VIPAS39: variants seen among roughly 807,000 people sequenced by gnomAD.
The protein encoded by VIPAS39 is VPS33B interacting protein, apical-basolateral polarity regulator, spe-39 homolog, also known as spermatogenesis-defective protein 39 homolog.
In VIPAS39, 63 loss-of-function variants were observed where a neutral mutation model predicts 84.7. The observed-to-expected ratio is 0.74, with a 90% CI of 0.61 to 0.92. The LOEUF (loss-of-function observed/expected upper bound fraction) is 0.92. VIPAS39 is among the 40% of genes least tolerant of loss of function. The probability of loss-of-function intolerance (pLI) is 0.00; values close to 1 mark genes in which losing one functional copy is unlikely to be tolerated. For synonymous variants in VIPAS39, 192 were observed against 216.5 expected (o/e 0.89, Z 0.99); for missense variants, 499 against 604.5 (o/e 0.83, Z 1.83).
chr14:77,439,776 C>A (rs948534124), intron 11 of VIPAS39, among the ~76,000 whole-genome samples: 1 of 151,176 alleles, frequency 6.6e-6, no homozygotes, highest in East Asian at 1.9e-4. Context: ...AAAAAAAAAA[C>A]CATGTTTCTG....
At chr14:77,452,384 C>T (rs1390554539) in intron 3 of VIPAS39, among the ~76,000 whole-genome samples, 10 of 151,776 alleles carry the variant, frequency 6.6e-5, no homozygotes, top group Admixed American at 3.9e-4. Context: ...CAATATGGAA[C>T]GGAAACTTTT....
At chr14:77,450,482 T>C (rs754476596) in intron 4 of VIPAS39, among the ~76,000 whole-genome samples, 1 of 152,206 alleles carries the variant, frequency 6.6e-6, no homozygotes. Flanking sequence ...TTTTGAGATA[T>C]ACCCAGAAGT....
chr14:77,444,214 T>A, intron 8 of VIPAS39, 35 bp downstream of exon 8: 1 of 1,591,418 alleles, frequency 6.3e-7, no homozygotes, highest in South Asian at 1.1e-5. Flanking sequence ...GTGAAAACAA[T>A]AATTAAACAA....
chr14:77,452,737 G>A (rs115372828), intron 3 of VIPAS39, among the ~76,000 whole-genome samples: 4,387 of 131,558 alleles, frequency 0.033, 220 homozygotes, highest in African/African-American at 0.12. Context: ...TCAGGATCGC[G>A]CCATTGCACT....
At chr14:77,428,621 T>C in intron 18 of VIPAS39, 147 bp from the exon 19 acceptor site, 3 of 727,668 alleles carry the variant, frequency 4.1e-6, no homozygotes, top group Non-Finnish European at 7.3e-6. Flanking sequence ...TGCTACTGTG[T>C]ACACATGAGG....
chr14:77,451,676 T>TCA (rs1284559881), intron 3 of VIPAS39, among the ~76,000 whole-genome samples: 2 of 152,152 alleles, frequency 1.3e-5, no homozygotes, highest in African/African-American at 4.8e-5. Context: ...CAGTCATGTC[T>TCA]CACGTCAGCC....
chr14:77,439,368 A>C (rs2078664508), intron 11 of VIPAS39, among the ~76,000 whole-genome samples: 1 of 152,266 alleles, frequency 6.6e-6, no homozygotes, highest in Non-Finnish European at 1.5e-5. Flanking sequence ...ACAGAGATTT[A>C]AAAATATAAA....
At chr14:77,439,985 C>T (rs1027078860) in intron 11 of VIPAS39, among the ~76,000 whole-genome samples, 2 of 152,116 alleles carry the variant, frequency 1.3e-5, no homozygotes, top group East Asian at 1.9e-4. Context: ...CAGACTTAAG[C>T]GATTCTCCTA....
At chr14:77,457,317 C>A (rs1241018323) in intron 1 of VIPAS39, 178 bp downstream of exon 1, 1 of 1,535,694 alleles carries the variant, frequency 6.5e-7, no homozygotes, top group Non-Finnish European at 8.7e-7. Flanking sequence ...CTGGTGCTCA[C>A]TCGCAGCCCC....
rs1278331942 is a variant in VIPAS39 at position 77,457,497 on chromosome 14, C to A, written c.-3G>T. On this transcript the variant is annotated splice_region_variant and 5_prime_UTR_variant, in exon 1 of 20. Coordinates refer to ENST00000557658, the MANE Select transcript of VIPAS39 (RefSeq NM_001193315.2). ...CAAGGGGCTTGGGACACCCTCACCTCTTCCGCACAGAGCCCTCCCTCTCAG... is the reference window on the plus strand; with the variant it reads ...CAAGGGGCTTGGGACACCCTCACCTATTCCGCACAGAGCCCTCCCTCTCAG... The A allele has an allele frequency of 8.8e-7, 1 of 1,134,320 alleles. No homozygotes were observed. Among genetic ancestry groups the A allele is most frequent in the Non-Finnish European group, 1.3e-6 (1 of 793,162 alleles). The allele number at this position is 1,134,320 out of a possible 1,614,324, so 70.3% of individuals were successfully genotyped here.
At chr14:77,446,902 T>C (rs988533997) in intron 7 of VIPAS39, among the ~76,000 whole-genome samples, 1 of 151,958 alleles carries the variant, frequency 6.6e-6, no homozygotes, top group East Asian at 1.9e-4. Flanking sequence ...GCCTCGACCT[T>C]CAGGGCTCAA....
Position 77,435,291 on chromosome 14 carries a change from A to G in VIPAS39, c.1015T>C (p.Tyr339His). 1.2e-6 allele frequency: 2 copies of G among 1,614,150 alleles called. No individual in the cohort carries two copies. The highest frequency in any genetic ancestry group is 1.7e-6 in the Non-Finnish European group (2 of 1,180,024). ...TCTGTGTAGTGATAGAAGCAGGAGT[A>G]GAAAAGTGTTGTCACTAGTGGCATG... ...LNMPLVTTLF[Y>H]SCFYHYTEAE... is the part of the protein sequence containing the mutation. Residue 339 changes from tyrosine (Y) to histidine (H), a missense_variant, in exon 14 of 20, where the codon TAC (tyrosine) becomes CAC (histidine). By Grantham distance (83) the Tyr-to-His change is moderately conservative (BLOSUM62 2). Coordinates refer to ENST00000557658, the MANE Select transcript of VIPAS39 (RefSeq NM_001193315.2).
intron 12 of VIPAS39, among the ~76,000 whole-genome samples, 177 bp from the exon 13 acceptor site, chr14:77,436,096 T>C (rs992536660): frequency 3.3e-5 from 5 of 152,224 alleles, no homozygotes; most frequent in Non-Finnish European, 7.3e-5. Flanking sequence ...GAATTTCATA[T>C]TAAAGGTTTT....
At chr14:77,433,978 C>T (rs1247134661) in intron 15 of VIPAS39, 47 bp from the exon 16 acceptor site, 1 of 1,564,972 alleles carries the variant, frequency 6.4e-7, no homozygotes. Context: ...AGAAATACAT[C>T]AATGGGGGTG....
chr14:77,443,067 C>G, intron 9 of VIPAS39, 52 bp downstream of exon 9: 1 of 1,611,362 alleles, frequency 6.2e-7, no homozygotes, highest in Non-Finnish European at 8.5e-7. Context: ...ATTCTCCCCT[C>G]GAATGTGGCA....
intron 1 of VIPAS39, 87 bp downstream of exon 1, chr14:77,457,408 T>C (rs973431032): frequency 5.2e-6 from 8 of 1,534,908 alleles, no homozygotes; most frequent in Non-Finnish European, 7.0e-6. Flanking sequence ...GGTGTAGGGA[T>C]GCCTCCTAGA....
intron 7 of VIPAS39, among the ~76,000 whole-genome samples, chr14:77,446,358 C>G (rs2078789960): frequency 6.6e-6 from 1 of 152,072 alleles, no homozygotes; most frequent in African/African-American, 2.4e-5. Flanking sequence ...GGTTGGAGTG[C>G]AGTGATGCAA....
intron 7 of VIPAS39, among the ~76,000 whole-genome samples, chr14:77,447,960 C>T (rs959878189): frequency 9.5e-5 from 14 of 147,432 alleles, no homozygotes; most frequent in African/African-American, 3.7e-4. Context: ...CCATGCCCGG[C>T]TTCTCTTTTT....
Position 77,448,679 on chromosome 14 carries a change from A to C in VIPAS39, c.448-129T>G, listed in dbSNP as rs1256494192. 3.0e-6 allele frequency: 3 copies of C among 1,001,236 alleles called. No homozygotes were observed. The East Asian group carries it at 7.8e-5, about 26-fold the overall frequency. The allele number at this position is 1,001,236 out of a possible 1,614,324, so 62.0% of individuals were successfully genotyped here. Reference sequence around the variant, plus strand: ...AATTTGTGGGAGGGAATGGATGTGAAAAAAATGAAGAAATGGGACGGTTTT... The same window carrying C: ...AATTTGTGGGAGGGAATGGATGTGACAAAAATGAAGAAATGGGACGGTTTT... On this transcript the variant is annotated intron_variant, in intron 6 of 19. Transcript: ENST00000557658.
Sources: gnomAD v4.1 joint callset for allele counts (sites outside exome capture counted in the v4.1 genomes callset) on GRCh38, gnomAD v4.1.1 for gene constraint, MANE v1.5 for transcripts, NCBI Gene and HGNC (gene_info 2026-07-23, HGNC 2026-07-21) for gene names.